The following TRHDE variants were observed in gnomAD, a reference collection of about 807,000 sequenced individuals.
TRHDE encodes thyrotropin-releasing hormone-degrading ectoenzyme.
Under a neutral mutation model 125.7 loss-of-function variants are expected in TRHDE, and 72 were observed. That is an observed-to-expected ratio of 0.57 (90% CI 0.47 to 0.70). TRHDE has a LOEUF of 0.70. Ranked by LOEUF, TRHDE falls within the 30% of genes least tolerant of loss-of-function variation. The pLI is 0.00. For synonymous variants in TRHDE, 509 were observed against 509.1 expected, an observed-to-expected ratio of 1.00 and a Z score of 0.00; for missense variants, 1,110 against 1,327.1, an observed-to-expected ratio of 0.84 and a Z score of 2.54.
At chr12:72,549,990 G>A (rs1328087315) in intron 7 of TRHDE, among the ~76,000 whole-genome samples, 8 of 151,584 alleles carry the variant, frequency 5.3e-5, no homozygotes, top group Non-Finnish European at 7.4e-5. Context: ...TAATAATCCT[G>A]CAGGCATTTG....
At chr12:72,488,590 C>T (rs1360966295) in intron 5 of TRHDE, among the ~76,000 whole-genome samples, 2 of 151,926 alleles carry the variant, frequency 1.3e-5, no homozygotes, top group Non-Finnish European at 2.9e-5. Context: ...ACAATGGAAA[C>T]ATCAATCAGA....
At chr12:72,656,836 G>C in intron 17 of TRHDE, 91 bp from the exon 18 acceptor site, 4 of 868,654 alleles carry the variant, frequency 4.6e-6, no homozygotes, top group Non-Finnish European at 7.4e-6. Flanking sequence ...TGAGCAAATC[G>C]AACCCTTGAG....
At position 72,657,015 on chromosome 12, in the gene TRHDE, A is replaced by C; in HGVS notation, c.3066+7A>C. On this transcript the variant is annotated splice_region_variant and intron_variant, in intron 18 of 18. Transcript: ENST00000261180. ...TGAAGGTGAACTCAAAGAGGTAAAT[A>C]TTTTAAGATGAAGTCTAATTATTTT... The C allele has an allele frequency of 6.5e-7, 1 of 1,528,074 alleles. No individual in the cohort carries two copies. The highest frequency in any genetic ancestry group is 9.0e-7 in the Non-Finnish European group (1 of 1,107,538). 94.7% of individuals were successfully genotyped at this position (1,528,074 alleles called of 1,614,324 possible).
chr12:72,502,381 C>G (rs1878193881), intron 6 of TRHDE, among the ~76,000 whole-genome samples: 1 of 152,024 alleles, frequency 6.6e-6, no homozygotes, highest in South Asian at 2.1e-4. Context: ...AAGATACTTG[C>G]TAATTATCCA....
At chr12:72,428,712 G>A (rs936337367) in intron 3 of TRHDE, among the ~76,000 whole-genome samples, 1 of 152,078 alleles carries the variant, frequency 6.6e-6, no homozygotes, top group Non-Finnish European at 1.5e-5. Context: ...ATCGCCAGCA[G>A]AATTTCAGAG....
chr12:72,425,851 C>T (rs1374689174), intron 3 of TRHDE, among the ~76,000 whole-genome samples: 1 of 151,912 alleles, frequency 6.6e-6, no homozygotes, highest in Non-Finnish European at 1.5e-5. Context: ...TTAACAACAG[C>T]AGCAGCAACA....
At chr12:72,401,252 C>T (rs931362407) in intron 3 of TRHDE, among the ~76,000 whole-genome samples, 1 of 152,184 alleles carries the variant, frequency 6.6e-6, no homozygotes, top group Admixed American at 6.6e-5. Flanking sequence ...ATACTAACTA[C>T]GGCAACAATA....
intron 1 of TRHDE, among the ~76,000 whole-genome samples, chr12:72,098,733 A>G (rs1874995175): frequency 5.9e-5 from 9 of 152,214 alleles, no homozygotes; most frequent in Admixed American, 5.9e-4. Flanking sequence ...CCCAGCCAAC[A>G]GCTAGAACCA....
rs149736188 is a variant in TRHDE at position 72,299,127 on chromosome 12, C to T, written c.1188+12173C>T. On this transcript the variant is annotated intron_variant, in intron 2 of 18. Transcript: ENST00000261180. ...GATATCAAATTTCAGGAAGATTAACCAAGACATTCTGTTGAGATATATTAA... is the reference window on the plus strand; with the variant it reads ...GATATCAAATTTCAGGAAGATTAACTAAGACATTCTGTTGAGATATATTAA... Among the ~76,000 whole-genome samples, 219 of 152,168 alleles carry T rather than the reference C, an allele frequency of 1.4e-3. 2 individuals carry two copies. The highest frequency in any genetic ancestry group is 2.6e-3 in the Non-Finnish European group (176 of 68,000).
chr12:72,277,586 G>A (rs1879533224), intron 1 of TRHDE, among the ~76,000 whole-genome samples: 1 of 151,952 alleles, frequency 6.6e-6, no homozygotes, highest in Non-Finnish European at 1.5e-5. Flanking sequence ...TTGTTTTTGT[G>A]TCAGGCTCAC....
intron 3 of TRHDE, among the ~76,000 whole-genome samples, chr12:72,398,519 A>G (rs1315556078): frequency 1.3e-5 from 2 of 152,230 alleles, no homozygotes; most frequent in Non-Finnish European, 2.9e-5. Context: ...CAAGAATTTT[A>G]TCACGATATT....
chr12:72,652,388 G>C lies in TRHDE; in HGVS notation c.2742G>C (p.Trp914Cys). The C allele has an allele frequency of 6.2e-7, 1 of 1,607,264 alleles. No individual in the cohort carries two copies. The highest frequency in any genetic ancestry group is 8.5e-7 in the Non-Finnish European group (1 of 1,176,440). Residue 914 changes from tryptophan (W) to cysteine (C), a missense_variant, in exon 16 of 19, where the codon TGG becomes TGC. This residue lies in a region of TRHDE where 527 missense variants were observed against 651.8 expected (regional missense o/e 0.81). Transcript: ENST00000261180. Reference sequence around the variant, plus strand: ...TGTCACTACTGGATGAGGATGTCTGGGAATTCATATGGATGAAATTCCATT... The same window carrying C: ...TGTCACTACTGGATGAGGATGTCTGCGAATTCATATGGATGAAATTCCATT... ...TGVSLLDEDV[W>C]EFIWMKFHST...
chr12:72,096,016 T>C (rs1874907659), intron 1 of TRHDE, among the ~76,000 whole-genome samples: 1 of 152,186 alleles, frequency 6.6e-6, no homozygotes, highest in Admixed American at 6.5e-5. Context: ...GGACTTGAAC[T>C]GCTGCTTTGG....
At chr12:72,462,105 C>T (rs1043400236) in intron 3 of TRHDE, among the ~76,000 whole-genome samples, 6 of 152,142 alleles carry the variant, frequency 3.9e-5, no homozygotes, top group Non-Finnish European at 7.3e-5. Flanking sequence ...ATATCCATTG[C>T]CTTCTGCCAA....
chr12:72,654,549 T>A (rs900454760), intron 17 of TRHDE, among the ~76,000 whole-genome samples: 1 of 152,282 alleles, frequency 6.6e-6, no homozygotes, highest in Middle Eastern at 3.4e-3. Flanking sequence ...CCTTTCTCCC[T>A]GTGATGGATA....
At chr12:72,314,926 C>T (rs1186857226) in intron 2 of TRHDE, among the ~76,000 whole-genome samples, 1 of 152,118 alleles carries the variant, frequency 6.6e-6, no homozygotes, top group African/African-American at 2.4e-5. Flanking sequence ...GGTTAGATGG[C>T]AAGTTTGCAC....
intron 3 of TRHDE, among the ~76,000 whole-genome samples, chr12:72,407,563 T>A (rs1282758106): frequency 6.6e-6 from 1 of 152,196 alleles, no homozygotes; most frequent in Non-Finnish European, 1.5e-5. Context: ...CAACTAAAAG[T>A]GCTGCATACA....
intron 5 of TRHDE, among the ~76,000 whole-genome samples, chr12:72,498,914 G>C (rs1417811361): frequency 6.6e-6 from 1 of 151,722 alleles, no homozygotes; most frequent in East Asian, 1.9e-4. Context: ...GATGTGAAGA[G>C]TGCCTTTTAT....
At chr12:72,303,848 A>G (rs576452330) in intron 2 of TRHDE, among the ~76,000 whole-genome samples, 1 of 152,256 alleles carries the variant, frequency 6.6e-6, no homozygotes, top group Non-Finnish European at 1.5e-5. Context: ...AGGGGTTCTT[A>G]AACTAAGGAT....
Sources: gnomAD v4.1 joint callset for allele counts (sites outside exome capture counted in the v4.1 genomes callset) on GRCh38, gnomAD v4.1.1 for gene constraint, gnomAD v4.1.1 regional missense constraint, MANE v1.5 for transcripts, NCBI Gene and HGNC (gene_info 2026-07-23, HGNC 2026-07-21) for gene names.